CROCC2: variants seen among roughly 807,000 people sequenced by gnomAD.
CROCC2 encodes the protein ciliary rootlet coiled-coil, rootletin family member 2, also known as ciliary rootlet coiled-coil protein 2.
In CROCC2, 163 loss-of-function variants were observed where a neutral mutation model predicts 177.6. The ratio of observed to expected loss-of-function variants is 0.92; its 90% CI spans 0.81 to 1.05. The LOEUF (loss-of-function observed/expected upper bound fraction) is 1.05. Ranked by LOEUF, CROCC2 falls within the 50% of genes least tolerant of loss-of-function variation. The pLI, the probability that CROCC2 is intolerant of heterozygous loss-of-function variation, is 0.00. For synonymous variants in CROCC2, 904 were observed against 787.3 expected, an observed-to-expected ratio of 1.15 and a Z score of -2.48; for missense variants, 1,929 against 1,797.8, an observed-to-expected ratio of 1.07 and a Z score of -1.32.
At chr2:240,935,095 G>T in intron 13 of CROCC2, 33 bp downstream of exon 13, 1 of 1,323,808 alleles carries the variant, frequency 7.6e-7, no homozygotes, top group South Asian at 2.3e-5. Flanking sequence ...GGGCCTCGCT[G>T]GAACCTGTTT....
rs2059804299 is a variant in CROCC2, at chr2:240,982,044, T to G, written c.4402-836T>G. The G allele has an allele frequency of 6.6e-6, 1 of 151,252 alleles. No homozygotes were observed. Among genetic ancestry groups the G allele is most frequent in the Non-Finnish European group, 1.5e-5 (1 of 67,888 alleles). The allele number at this position is 151,252 out of a possible 1,614,324, so 9.4% of individuals were successfully genotyped here. A position where few individuals can be genotyped will look rare whatever the true frequency, so the allele number is the denominator to read the frequency against. On this transcript the variant is annotated intron_variant, in intron 27 of 31. Coordinates refer to ENST00000690015, the MANE Select transcript of CROCC2 (RefSeq NM_001351305.2). The surrounding 1 kb of genome is among the most constrained non-coding windows in gnomAD (Gnocchi z 4.7). ...CAAGCAGGAGGAGAAGGCAGCAGCG[T>G]AGGGTGGGGGCGCCAGCGGGGAGGC...
chr2:240,970,582 G>A (rs1003794193), intron 27 of CROCC2, among the ~76,000 whole-genome samples: 1 of 152,228 alleles, frequency 6.6e-6, no homozygotes, highest in Non-Finnish European at 1.5e-5. Flanking sequence ...CCCTCCAGGG[G>A]CCGAGGGTCT....
intron 14 of CROCC2, among the ~76,000 whole-genome samples, chr2:240,937,156 G>A (rs891086084): frequency 1.3e-5 from 2 of 152,132 alleles, no homozygotes; most frequent in Admixed American, 6.5e-5. Context: ...TTGCTCCTCT[G>A]CCTTCTCGAC....
chr2:240,988,240 G>A (rs1409751754), intron 28 of CROCC2, among the ~76,000 whole-genome samples: 1 of 151,962 alleles, frequency 6.6e-6, no homozygotes, highest in Non-Finnish European at 1.5e-5. Flanking sequence ...ACAGACGGTG[G>A]GGATAGTGAT....
chr2:240,926,973 G>A (rs1203518880), intron 5 of CROCC2, among the ~76,000 whole-genome samples: 7 of 152,256 alleles, frequency 4.6e-5, no homozygotes, highest in African/African-American at 1.2e-4. Context: ...AGCCGATTCT[G>A]CTGTGTGAGA....
chr2:240,942,290 T>C (rs1051553594), intron 14 of CROCC2, among the ~76,000 whole-genome samples: 1 of 152,164 alleles, frequency 6.6e-6, no homozygotes, highest in Non-Finnish European at 1.5e-5. Context: ...TTTTTAACCA[T>C]TCACACACAC....
rs2059457431 is a variant in CROCC2, at chr2:240,934,861, C to T, written c.1792-55C>T. The T allele has an allele frequency of 1.6e-5, 23 of 1,428,440 alleles. No individual in the cohort carries two copies. In the South Asian group the frequency reaches 2.6e-4, roughly 16 times the overall value. The allele number at this position is 1,428,440 out of a possible 1,614,324, so 88.5% of individuals were successfully genotyped here. A position where few individuals can be genotyped will look rare whatever the true frequency, so the allele number is the denominator to read the frequency against. On this transcript the variant is annotated intron_variant, in intron 12 of 31. Transcript: ENST00000690015. ...GGGCTCACTCCTTTCCCAGCGGCAA[C>T]AGCCCTGCCCTGGAAGCTGAAGGTC...
intron 27 of CROCC2, among the ~76,000 whole-genome samples, 154 bp downstream of exon 27, chr2:240,968,416 G>A (rs2059699431): frequency 6.6e-6 from 1 of 152,194 alleles, no homozygotes; most frequent in Non-Finnish European, 1.5e-5. Context: ...CCAGCCCGGT[G>A]GGGCCCTGGG....
At chr2:240,975,163 A>G (rs2059751451) in intron 27 of CROCC2, among the ~76,000 whole-genome samples, 1 of 152,262 alleles carries the variant, frequency 6.6e-6, no homozygotes, top group Non-Finnish European at 1.5e-5. Flanking sequence ...GAAAATTTTG[A>G]AAGTGAATAG....
chr2:240,957,002 G>A (rs536840514), intron 19 of CROCC2, among the ~76,000 whole-genome samples: 1 of 152,166 alleles, frequency 6.6e-6, no homozygotes, highest in Non-Finnish European at 1.5e-5. Flanking sequence ...CCTGAGGAGA[G>A]GCTGTTTGTG....
chr2:240,909,354 T>C (rs921428628), intron 1 of CROCC2, among the ~76,000 whole-genome samples: 6 of 151,878 alleles, frequency 4.0e-5, no homozygotes, highest in Admixed American at 1.3e-4. Flanking sequence ...GGGTGAGCTC[T>C]ACCTCCTCCA....
intron 13 of CROCC2, 99 bp downstream of exon 13, chr2:240,935,161 C>T (rs2059460046): frequency 2.3e-6 from 3 of 1,289,388 alleles, no homozygotes; most frequent in Non-Finnish European, 3.0e-6. Context: ...TCCCAGATCA[C>T]TTCCTCTCCT....
rs755833695 is a variant in CROCC2, at chr2:240,968,167, G to A, written c.4306G>A (p.Ala1436Thr). 1 of 1,527,510 alleles carries A rather than the reference G, an allele frequency of 6.5e-7. No homozygotes were observed. The highest frequency in any genetic ancestry group is 1.2e-5 in the South Asian group (1 of 83,486). 94.6% of individuals were successfully genotyped at this position (1,527,510 alleles called of 1,614,324 possible). ...RVEGALSSARAARALQKEALR... is the reference protein window; with the variant it reads ...RVEGALSSARTARALQKEALR... ...GGAGGGCGCGCTGAGCAGCGCCCGGGCAGCACGTGCCCTGCAGAAGGAGGC... is the reference window on the plus strand; with the variant it reads ...GGAGGGCGCGCTGAGCAGCGCCCGGACAGCACGTGCCCTGCAGAAGGAGGC... The change falls in exon 27 of 32, where the codon GCA becomes ACA. Residue 1436 changes from alanine (A) to threonine (T), a missense_variant. Ala to Thr is a moderately conservative substitution (Grantham distance 58). This residue lies in a region of CROCC2 where 388 missense variants were observed against 352.7 expected (regional missense o/e 1.10). Transcript: ENST00000690015.
chr2:240,968,350 C>G, intron 27 of CROCC2, 88 bp downstream of exon 27: 1 of 1,395,164 alleles, frequency 7.2e-7, no homozygotes, highest in Non-Finnish European at 9.4e-7. Context: ...GGCCACAGGG[C>G]CGGGAGGTGG....
chr2:240,927,933 G>A (rs2059404357), intron 5 of CROCC2, among the ~76,000 whole-genome samples: 1 of 152,252 alleles, frequency 6.6e-6, no homozygotes, highest in African/African-American at 2.4e-5. Flanking sequence ...TTACAGGCAT[G>A]AGCCACCTCG....
At chr2:240,925,076 G>A (rs1314173760) in intron 4 of CROCC2, among the ~76,000 whole-genome samples, 1 of 151,758 alleles carries the variant, frequency 6.6e-6, no homozygotes, top group South Asian at 2.1e-4. Context: ...CCAGACCTGG[G>A]GAGGTTAAGT....
chr2:240,932,499 C>T (rs777237311), intron 8 of CROCC2, 85 bp downstream of exon 8: 25 of 706,974 alleles, frequency 3.5e-5, no homozygotes, highest in Admixed American at 1.4e-4. Context: ...AAGCCTGGTG[C>T]GGCAGTGGAC....
In CROCC2 at chr2:240,950,317, C is replaced by T; in HGVS notation, c.2653-17C>T. On this transcript the variant is annotated splice_polypyrimidine_tract_variant and intron_variant, in intron 17 of 31. Coordinates refer to ENST00000690015, the MANE Select transcript of CROCC2 (RefSeq NM_001351305.2). Reference sequence around the variant, plus strand: ...CACCTGCCGGACCTCACAGCCCATCCCTTTACCTTGGCCCAGGAGACCCTG... The same window carrying T: ...CACCTGCCGGACCTCACAGCCCATCTCTTTACCTTGGCCCAGGAGACCCTG... 6.5e-7 allele frequency: 1 copy of T among 1,547,642 alleles called. No homozygotes were observed. The highest frequency in any genetic ancestry group is 8.7e-7 in the Non-Finnish European group (1 of 1,145,790).
intron 28 of CROCC2, among the ~76,000 whole-genome samples, chr2:240,984,536 CA>C (rs1208475217): frequency 1.4e-4 from 16 of 116,976 alleles, no homozygotes; most frequent in African/African-American, 4.2e-4. Flanking sequence ...ATTCCACACA[CA>C]CCCAGGCACT....
Sources: allele counts gnomAD v4.1 joint callset (sites outside exome capture counted in the v4.1 genomes callset), GRCh38; gene constraint gnomAD v4.1.1; regional missense constraint gnomAD v4.1.1; non-coding constraint Gnocchi (gnomAD v3.1); transcripts MANE v1.5; gene names NCBI Gene and HGNC (gene_info 2026-07-23, HGNC 2026-07-21).